SEC14L1: variants seen among roughly 807,000 people sequenced by gnomAD.
The protein encoded by SEC14L1 is SEC14 like lipid binding 1, also known as SEC14-like protein 1.
In SEC14L1, 48 loss-of-function variants were observed where a neutral mutation model predicts 85.3. The observed-to-expected ratio is 0.56, with a 90% CI of 0.45 to 0.72. SEC14L1 has a LOEUF of 0.72. Ranked by LOEUF, SEC14L1 falls within the 30% of genes least tolerant of loss-of-function variation. The pLI, the probability that SEC14L1 is intolerant of heterozygous loss-of-function variation, is 0.00. For synonymous variants in SEC14L1, 391 were observed against 355.5 expected (o/e 1.10, Z -1.12); for missense variants, 682 against 921.4 (o/e 0.74, Z 3.36).
chr17:77,141,715 T>TAA (rs1465357033), intron 1 of SEC14L1: 3 of 152,158 alleles, frequency 2.0e-5, no homozygotes, highest in Admixed American at 6.5e-5. Flanking sequence ...AATTAGCAGG[T>TAA]TCTTAAGTGA....
intron 3 of SEC14L1, among the ~76,000 whole-genome samples, chr17:77,134,714 G>A (rs1295614330): frequency 1.3e-5 from 2 of 152,138 alleles, no homozygotes; most frequent in Non-Finnish European, 2.9e-5. Context: ...CTGGGTGACC[G>A]AGCAAAACTC....
intron 3 of SEC14L1, among the ~76,000 whole-genome samples, chr17:77,187,246 CATCT>C (rs769658104): frequency 6.6e-6 from 1 of 152,180 alleles, no homozygotes; most frequent in South Asian, 2.1e-4. Flanking sequence ...AGAGGGGTGA[CATCT>C]ATCAGTCAAG....
exon 2 of SEC14L1, chr17:77,089,175 AT>A (rs1410402978): frequency 2.9e-6 from 1 of 342,056 alleles, no homozygotes; most frequent in Admixed American, 3.6e-5. Flanking sequence ...AATGAGAAAT[AT>A]CCCCCGACGA....
chr17:77,096,505 C>T (rs914755916), intron 3 of SEC14L1, among the ~76,000 whole-genome samples: 7 of 151,370 alleles, frequency 4.6e-5, no homozygotes, highest in African/African-American at 1.7e-4. Flanking sequence ...TGCAGTGAGC[C>T]GAGATAGCGC....
intron 3 of SEC14L1, among the ~76,000 whole-genome samples, chr17:77,105,373 A>ACCCCCCCCCCCC (rs796673679): frequency 1.2e-5 from 1 of 82,376 alleles, no homozygotes; most frequent in Non-Finnish European, 2.4e-5. Context: ...CTCGCTGACC[A>ACCCCCCCCCCCC]CCCCCCCCCC....
intron 3 of SEC14L1, among the ~76,000 whole-genome samples, chr17:77,172,728 C>T (rs1974570150): frequency 1.3e-5 from 2 of 152,196 alleles, no homozygotes; most frequent in Non-Finnish European, 2.9e-5. Flanking sequence ...TATATCCTCG[C>T]TTGCTCCTTG....
chr17:77,095,140 T>C (rs1025789121), intron 3 of SEC14L1: 3 of 152,210 alleles, frequency 2.0e-5, no homozygotes, highest in African/African-American at 7.2e-5. Context: ...TGGTTCAATC[T>C]TGGTTTGGGA....
At position 77,161,259 on chromosome 17, in the gene SEC14L1, G is replaced by C. The variant is rs905090310; in HGVS notation, c.63+17600G>C. Among the ~76,000 whole-genome samples, 4 of 152,250 alleles carry C rather than the reference G, an allele frequency of 2.6e-5. No individual in the cohort carries two copies. The South Asian group carries it at 6.2e-4, about 24-fold the overall frequency. The stretch of plus-strand genomic sequence containing the variant: ...CCCAGTCCTTTGGGAGGCCAAGGCA[G>C]GCAGATAACTGGGGGTCAGGAGTTT... On this transcript the variant is annotated intron_variant, in intron 3 of 16. Transcript: ENST00000436233.
chr17:77,193,928 A>G (rs552290506), intron 6 of SEC14L1, among the ~76,000 whole-genome samples: 1 of 152,300 alleles, frequency 6.6e-6, no homozygotes, highest in East Asian at 1.9e-4. Context: ...TCTTCCACAG[A>G]AGACCTTCCT....
Position 77,214,010 on chromosome 17 carries a change from T to C in SEC14L1, c.2135T>C (p.Met712Thr), listed in dbSNP as rs1438809026. 2 of 1,612,892 alleles carry C rather than the reference T, an allele frequency of 1.2e-6. No homozygotes were observed. The highest frequency in any genetic ancestry group is 1.7e-5 in the Admixed American group (1 of 60,010). ...TSSSQSHSSS[M>T]ISR ...TCCAGCCAGTCCCACTCCAGCTCCA[T>C]GATCTCCAGGTAGTGCCGCGCTGCC... The change falls in exon 17 of 17, where the codon ATG becomes ACG. Residue 712 changes from methionine (M) to threonine (T), a missense_variant. Transcript: ENST00000436233.
chr17:77,154,887 C>T (rs113271446), intron 3 of SEC14L1, among the ~76,000 whole-genome samples: 5 of 152,186 alleles, frequency 3.3e-5, no homozygotes, highest in East Asian at 1.9e-4. Context: ...TTTAGGGGTC[C>T]GGCCTTCCCC....
chr17:77,104,923 A>G (rs1971874314), intron 3 of SEC14L1, among the ~76,000 whole-genome samples: 1 of 151,896 alleles, frequency 6.6e-6, no homozygotes, highest in Non-Finnish European at 1.5e-5. Context: ...TTGGTTTTAT[A>G]CATCTTAGGG....
intron 7 of SEC14L1, 23 bp downstream of exon 7, chr17:77,194,934 C>G (rs750322973): frequency 1.3e-6 from 2 of 1,577,344 alleles, no homozygotes; most frequent in South Asian, 1.1e-5. Context: ...GGGGCTTCAT[C>G]CCGAGAGCAA....
Position 77,215,366 on chromosome 17 carries a change from A to G in SEC14L1, c.*1343A>G. ...ACATGCAACACGTGTTTCTGTGTGC[A>G]GCAGAGGCCGTGTTTTTCATGCCAA... On this transcript the variant is annotated 3_prime_UTR_variant, in exon 17 of 17. Coordinates refer to ENST00000436233, the MANE Select transcript of SEC14L1 (RefSeq NM_001143998.2). 1 of 985,460 alleles carries G rather than the reference A, an allele frequency of 1.0e-6. No individual in the cohort carries two copies. The highest frequency in any genetic ancestry group is 1.2e-6 in the Non-Finnish European group (1 of 829,948). 61.0% of individuals were successfully genotyped at this position (985,460 alleles called of 1,614,324 possible). A position where few individuals can be genotyped will look rare whatever the true frequency, so the allele number is the denominator to read the frequency against.
At position 77,217,055 on chromosome 17, in the gene SEC14L1, GA is replaced by G. The variant is rs1977136862; in HGVS notation, c.*3033del. ...AATACAATACTGATAGTCTTTAAAA[GA>G]TTTTTTTATTGTTATCAATAATAAA... On this transcript the variant is annotated 3_prime_UTR_variant, in exon 17 of 17. Coordinates refer to ENST00000436233, the MANE Select transcript of SEC14L1 (RefSeq NM_001143998.2). 6.5e-6 allele frequency: 1 copy of G among 153,328 alleles called. No individual in the cohort carries two copies. The highest frequency in any genetic ancestry group is 6.5e-5 in the Admixed American group (1 of 15,378). The allele number at this position is 153,328 out of a possible 1,614,324, so 9.5% of individuals were successfully genotyped here.
intron 3 of SEC14L1, among the ~76,000 whole-genome samples, chr17:77,150,438 A>G (rs926923825): frequency 1.3e-5 from 2 of 152,174 alleles, no homozygotes; most frequent in African/African-American, 4.8e-5. Flanking sequence ...GGGGAACTGA[A>G]TCAGTTTATA....
chr17:77,171,647 T>A (rs1052265305), intron 3 of SEC14L1, among the ~76,000 whole-genome samples: 1 of 152,236 alleles, frequency 6.6e-6, no homozygotes, highest in Non-Finnish European at 1.5e-5. Flanking sequence ...TCCAAAAGCA[T>A]ACTTGGAGTC....
chr17:77,202,574 G>A (rs1238001276), intron 9 of SEC14L1, among the ~76,000 whole-genome samples: 1 of 151,966 alleles, frequency 6.6e-6, no homozygotes, highest in African/African-American at 2.4e-5. Flanking sequence ...AGCCGAGATC[G>A]TGCCAGTGCA....
intron 3 of SEC14L1, among the ~76,000 whole-genome samples, chr17:77,117,732 G>A (rs1167688875): frequency 2.0e-5 from 3 of 152,178 alleles, no homozygotes; most frequent in East Asian, 1.9e-4. Flanking sequence ...GGGCAAAGGG[G>A]CTTCGTTTGG....
Sources: allele counts gnomAD v4.1 joint callset (sites outside exome capture counted in the v4.1 genomes callset), GRCh38; gene constraint gnomAD v4.1.1; transcripts MANE v1.5; gene names NCBI Gene and HGNC (gene_info 2026-07-23, HGNC 2026-07-21).